The following BRD10 variants were observed in gnomAD, a reference collection of about 807,000 sequenced individuals.
BRD10 encodes the protein bromodomain containing 10, also known as uncharacterized bromodomain-containing protein 10.
At chr9:5,969,703 C>T in the BRD10 span, among the ~76,000 whole-genome samples, 5 of 152,086 alleles carry the variant, frequency 3.3e-5, no homozygotes, top group Admixed American at 6.5e-5. Flanking sequence ...GCCACCACAC[C>T]CAGCTAACAT....
the BRD10 span, among the ~76,000 whole-genome samples, chr9:5,947,636 A>G: frequency 6.6e-6 from 1 of 152,088 alleles, no homozygotes; most frequent in Non-Finnish European, 1.5e-5. Context: ...TACCCAATAT[A>G]TAGAGTCAAA....
chr9:5,988,650 T>G, the BRD10 span: 2 of 772,062 alleles, frequency 2.6e-6, no homozygotes, highest in Admixed American at 5.1e-5. Context: ...CATAAAAGTA[T>G]TTAAACCTTA....
chr9:5,893,225 C>T, the BRD10 span, among the ~76,000 whole-genome samples: 1 of 152,066 alleles, frequency 6.6e-6, no homozygotes, highest in Non-Finnish European at 1.5e-5. Context: ...GTAATGAAAA[C>T]CCAGAGGCTG....
the BRD10 span, among the ~76,000 whole-genome samples, chr9:5,916,938 C>G: frequency 6.6e-6 from 1 of 152,172 alleles, no homozygotes; most frequent in Non-Finnish European, 1.5e-5. Flanking sequence ...CAGAAATCCA[C>G]ATGACCTACA....
the BRD10 span, chr9:5,967,999 A>G: frequency 3.6e-6 from 5 of 1,375,060 alleles, no homozygotes; most frequent in Middle Eastern, 2.5e-4. Flanking sequence ...TATAACTCCC[A>G]TCCATTTGTG....
At chr9:5,880,469 C>T in the BRD10 span, among the ~76,000 whole-genome samples, 5 of 91,974 alleles carry the variant, frequency 5.4e-5, no homozygotes, top group Non-Finnish European at 1.5e-4. Context: ...AGCTGAGATC[C>T]CGCCACTGCA....
the BRD10 span, among the ~76,000 whole-genome samples, chr9:5,892,879 T>C: frequency 6.6e-6 from 1 of 152,124 alleles, no homozygotes; most frequent in Admixed American, 6.5e-5. Context: ...CCTCAATCCT[T>C]GTTCTGTCTC....
At chr9:5,931,179 G>A in the BRD10 span, among the ~76,000 whole-genome samples, 2 of 152,320 alleles carry the variant, frequency 1.3e-5, no homozygotes, top group South Asian at 4.1e-4. Context: ...ACTCTGGGCA[G>A]TATGACTGCT....
chr9:5,975,247 C>T, the BRD10 span, among the ~76,000 whole-genome samples: 1 of 151,406 alleles, frequency 6.6e-6, no homozygotes, highest in Admixed American at 6.6e-5. Context: ...ACCAACCTGA[C>T]CAACATGGTG....
the BRD10 span, among the ~76,000 whole-genome samples, chr9:5,908,433 C>T: frequency 6.6e-6 from 1 of 152,164 alleles, no homozygotes; most frequent in African/African-American, 2.4e-5. Context: ...CTCCTTAACC[C>T]TATTTTTCTC....
At chr9:5,893,799 G>A in the BRD10 span, among the ~76,000 whole-genome samples, 6 of 152,106 alleles carry the variant, frequency 3.9e-5, no homozygotes, top group Non-Finnish European at 5.9e-5. Flanking sequence ...GGCTGAAGAT[G>A]TTGTGCCATC....
At chr9:5,951,965 T>C in the BRD10 span, among the ~76,000 whole-genome samples, 2 of 152,082 alleles carry the variant, frequency 1.3e-5, no homozygotes, top group Admixed American at 6.6e-5. Flanking sequence ...CTCTGTTTTC[T>C]CTCCCTCTAG....
the BRD10 span, chr9:5,929,179 T>A: frequency 8.3e-7 from 1 of 1,199,916 alleles, no homozygotes; most frequent in Non-Finnish European, 1.2e-6. Context: ...ATGTTTAAAG[T>A]AAATCCCTTA....
the BRD10 span, among the ~76,000 whole-genome samples, chr9:6,002,614 T>A: frequency 6.6e-6 from 1 of 152,080 alleles, no homozygotes; most frequent in African/African-American, 2.4e-5. Flanking sequence ...TAAAAATTCA[T>A]TTTTAATTTG....
chr9:5,885,194 T>C, the BRD10 span, among the ~76,000 whole-genome samples: 1 of 152,336 alleles, frequency 6.6e-6, no homozygotes, highest in East Asian at 1.9e-4. Context: ...TGGGTCTCTT[T>C]ACGTCACAGC....
chr9:5,983,188 G>C, the BRD10 span, among the ~76,000 whole-genome samples: 2 of 152,174 alleles, frequency 1.3e-5, no homozygotes, highest in Non-Finnish European at 2.9e-5. Flanking sequence ...GAAGCAGAAA[G>C]TCTTCAGCCA....
the BRD10 span, chr9:5,968,850 G>T: frequency 6.2e-7 from 1 of 1,613,594 alleles, no homozygotes; most frequent in South Asian, 1.1e-5. Flanking sequence ...TCATAACCAA[G>T]AATAACTTCC....
the BRD10 span, among the ~76,000 whole-genome samples, chr9:5,911,055 A>G: frequency 3.3e-5 from 5 of 152,028 alleles, no homozygotes; most frequent in African/African-American, 1.2e-4. Context: ...ATGTGATCCT[A>G]TTTGTCCATT....
the BRD10 span, among the ~76,000 whole-genome samples, chr9:6,006,202 G>C: frequency 1.3e-5 from 2 of 152,188 alleles, no homozygotes; most frequent in African/African-American, 2.4e-5. Context: ...CAGCACTGTT[G>C]ATTTCACATT....
Sources: gnomAD v4.1 joint callset for allele counts (sites outside exome capture counted in the v4.1 genomes callset) on GRCh38, gnomAD v4.1.1 for gene constraint, MANE v1.5 for transcripts, NCBI Gene and HGNC (gene_info 2026-07-23, HGNC 2026-07-21) for gene names.